The following CPPED1 variants were observed in gnomAD, a reference collection of about 807,000 sequenced individuals.
CPPED1 encodes the protein serine/threonine-protein phosphatase CPPED1.
A neutral mutation model predicts 28.0 loss-of-function variants in CPPED1; 28 were observed. The ratio of observed to expected loss-of-function variants is 1.00; its 90% CI spans 0.74 to 1.37. The LOEUF is 1.37. Ranked by LOEUF, CPPED1 falls within the 40% of genes most tolerant of loss-of-function variation. The pLI, the probability that CPPED1 is intolerant of heterozygous loss-of-function variation, is 0.00. For missense variants in CPPED1, 504 were observed against 416.5 expected (o/e 1.21, Z -1.83); for synonymous variants, 198 against 180.2 (o/e 1.10, Z -0.79).
intron 2 of CPPED1, among the ~76,000 whole-genome samples, chr16:12,736,656 G>T (rs562904231): frequency 6.6e-6 from 1 of 152,190 alleles, no homozygotes; most frequent in Non-Finnish European, 1.5e-5. Context: ...CTTAGATTCA[G>T]TATTCTTCCA....
intron 3 of CPPED1, among the ~76,000 whole-genome samples, chr16:12,698,751 T>C (rs1377738147): frequency 6.6e-6 from 1 of 152,180 alleles, no homozygotes; most frequent in East Asian, 1.9e-4. Flanking sequence ...ATCTTAAAAC[T>C]ATAACCATGG....
Position 12,716,924 on chromosome 16 carries a change from C to T in CPPED1, c.290-11875G>A, listed in dbSNP as rs1215143174. On this transcript the variant is annotated intron_variant, in intron 2 of 3. Coordinates refer to ENST00000381774, the MANE Select transcript of CPPED1 (RefSeq NM_018340.3). Reference sequence around the variant, plus strand: ...GTTACGACACGGAAGCACTGGGTGCCGTGGAAGCTCAGGGTGGGGGTAACT... The same window carrying T: ...GTTACGACACGGAAGCACTGGGTGCTGTGGAAGCTCAGGGTGGGGGTAACT... Among the ~76,000 whole-genome samples the T allele has an allele frequency of 4.7e-5, 7 of 147,588 alleles. No individual in the cohort carries two copies. The East Asian group carries it at 1.4e-3, about 29-fold the overall frequency.
At chr16:12,791,265 T>A (rs1213813266) in intron 1 of CPPED1, among the ~76,000 whole-genome samples, 1 of 152,078 alleles carries the variant, frequency 6.6e-6, no homozygotes, top group African/African-American at 2.4e-5. Context: ...CCTCCCTGTG[T>A]CCAAGTGTTC....
chr16:12,748,160 G>A (rs1029342206), intron 2 of CPPED1, among the ~76,000 whole-genome samples: 1 of 152,194 alleles, frequency 6.6e-6, no homozygotes, highest in Admixed American at 6.5e-5. Context: ...AAAGGAGAAA[G>A]CTCACTCATA....
rs115601605 is a variant in CPPED1, at chr16:12,798,347, T to C, written c.70+5360A>G. On this transcript the variant is annotated intron_variant, in intron 1 of 3. Transcript: ENST00000381774. ...AGATAACTAGTTTGGCCTAAATGTA[T>C]GGCACAATTTAAAGCATTTATTTCA... Among the ~76,000 whole-genome samples the C allele has an allele frequency of 3.8e-3, 574 of 152,356 alleles. 2 individuals carry two copies. The highest frequency in any genetic ancestry group is 0.012 in the African/African-American group (511 of 41,590).
Position 12,718,554 on chromosome 16 carries a change from A to G in CPPED1, c.290-13505T>C, listed in dbSNP as rs537915780. On this transcript the variant is annotated intron_variant, in intron 2 of 3. Transcript: ENST00000381774. ...ACTCTGTCTTAAAAAAAAAAAAAAA[A>G]AAAGAAAGAAAAAAAAGGTGTTGAT... 6.8e-4 allele frequency among the ~76,000 whole-genome samples: 103 copies of G among 151,250 alleles called. 1 individual carries two copies. Among genetic ancestry groups the G allele is most frequent in the African/African-American group, 2.4e-3 (98 of 41,320 alleles).
chr16:12,765,831 C>A (rs552041397), intron 2 of CPPED1, among the ~76,000 whole-genome samples: 96 of 152,268 alleles, frequency 6.3e-4, no homozygotes, highest in African/African-American at 2.2e-3. Flanking sequence ...TTCAAATGCG[C>A]CATTTTCCAA....
At chr16:12,739,712 G>A (rs2080244448) in intron 2 of CPPED1, among the ~76,000 whole-genome samples, 1 of 152,200 alleles carries the variant, frequency 6.6e-6, no homozygotes, top group Non-Finnish European at 1.5e-5. Flanking sequence ...GGATGCCAAA[G>A]CAACAACATG....
At chr16:12,680,665 G>A (rs2079899991) in intron 3 of CPPED1, among the ~76,000 whole-genome samples, 1 of 152,170 alleles carries the variant, frequency 6.6e-6, no homozygotes, top group Non-Finnish European at 1.5e-5. Flanking sequence ...CCTGCTTGCT[G>A]TATCATCAGC....
chr16:12,720,845 T>C (rs1191383244), intron 2 of CPPED1, among the ~76,000 whole-genome samples: 6 of 152,256 alleles, frequency 3.9e-5, no homozygotes, highest in African/African-American at 1.4e-4. Context: ...ATAAACAAAA[T>C]TATATGTTAT....
At chr16:12,796,017 A>G (rs978434473) in intron 1 of CPPED1, among the ~76,000 whole-genome samples, 1 of 150,868 alleles carries the variant, frequency 6.6e-6, no homozygotes, top group Non-Finnish European at 1.5e-5. Flanking sequence ...CAGGAAGCAG[A>G]GGTTGCAGTG....
At chr16:12,746,154 C>T (rs577380633) in intron 2 of CPPED1, among the ~76,000 whole-genome samples, 1 of 152,194 alleles carries the variant, frequency 6.6e-6, no homozygotes, top group African/African-American at 2.4e-5. Flanking sequence ...GTGGGCAGAT[C>T]ACCTGAAGTC....
chr16:12,800,755 A>G (rs2080654601), intron 1 of CPPED1, among the ~76,000 whole-genome samples: 1 of 152,040 alleles, frequency 6.6e-6, no homozygotes, highest in African/African-American at 2.4e-5. Flanking sequence ...GACTTCCTTC[A>G]GCCCTCATCC....
intron 3 of CPPED1, among the ~76,000 whole-genome samples, chr16:12,688,856 C>G (rs915921864): frequency 1.3e-5 from 2 of 152,188 alleles, no homozygotes; most frequent in African/African-American, 4.8e-5. Flanking sequence ...ACCCCAATGT[C>G]AAGAGCTCCA....
At chr16:12,671,647 A>G (rs1395214576) in intron 3 of CPPED1, among the ~76,000 whole-genome samples, 1 of 152,218 alleles carries the variant, frequency 6.6e-6, no homozygotes, top group African/African-American at 2.4e-5. Context: ...AGAAACAGCT[A>G]CAGTCACGTG....
chr16:12,787,700 T>C (rs2080572655), intron 1 of CPPED1, among the ~76,000 whole-genome samples: 1 of 152,170 alleles, frequency 6.6e-6, no homozygotes, highest in South Asian at 2.1e-4. Flanking sequence ...CCACCACACC[T>C]GGCCAGCGAA....
At position 12,660,329 on chromosome 16, in the gene CPPED1, C is replaced by T. The variant is rs2079786945; in HGVS notation, c.*4557G>A. 6.6e-6 allele frequency: 1 copy of T among 152,136 alleles called. No individual in the cohort carries two copies. Among genetic ancestry groups the T allele is most frequent in the African/African-American group, 2.4e-5 (1 of 41,416 alleles). 9.4% of individuals were successfully genotyped at this position (152,136 alleles called of 1,614,324 possible). ...AACATGATTATTCACATTTAATCGA[C>T]TTCATTTACATAGATAAAGCCTAAA... is the stretch of plus-strand genomic sequence containing the variant. On this transcript the variant is annotated 3_prime_UTR_variant, in exon 4 of 4. Transcript: ENST00000381774.
chr16:12,740,444 C>CA (rs1237046217), intron 2 of CPPED1, among the ~76,000 whole-genome samples: 10,096 of 100,016 alleles, frequency 0.1, 409 homozygotes, highest in East Asian at 0.24. Context: ...GACTCTGCCT[C>CA]AAAAAAAAAA....
intron 2 of CPPED1, among the ~76,000 whole-genome samples, chr16:12,763,946 T>C (rs966251994): frequency 1.3e-5 from 2 of 148,254 alleles, no homozygotes; most frequent in African/African-American, 5.1e-5. Context: ...CTGAAAAAAG[T>C]GAAACAAATC....
Sources: gnomAD v4.1 joint callset for allele counts (sites outside exome capture counted in the v4.1 genomes callset) on GRCh38, gnomAD v4.1.1 for gene constraint, MANE v1.5 for transcripts, NCBI Gene and HGNC (gene_info 2026-07-23, HGNC 2026-07-21) for gene names.